Variants in LRRC4C observed in about 807,000 individuals in gnomAD.
LRRC4C encodes the protein leucine-rich repeat-containing protein 4C.
LRRC4C carries 5 observed loss-of-function variants against 33.6 expected under a neutral mutation model. The observed-to-expected ratio is 0.15, with a 90% CI of 0.08 to 0.31. The LOEUF (loss-of-function observed/expected upper bound fraction) is 0.31. LRRC4C is among the 10% of genes least tolerant of loss of function. LRRC4C has a pLI of 1.00. For synonymous variants in LRRC4C, 329 were observed against 302.0 expected (o/e 1.09, Z -0.93); for missense variants, 560 against 796.7 (o/e 0.70, Z 3.58).
chr11:40,501,031 G>C (rs1407192419), intron 3 of LRRC4C, among the ~76,000 whole-genome samples: 3 of 152,238 alleles, frequency 2.0e-5, no homozygotes, highest in African/African-American at 7.2e-5. Flanking sequence ...AAAATACAGA[G>C]GCTACAGACC....
intron 1 of LRRC4C, among the ~76,000 whole-genome samples, chr11:41,102,929 A>T (rs1270315051): frequency 1.3e-5 from 2 of 151,992 alleles, no homozygotes; most frequent in African/African-American, 4.8e-5. Flanking sequence ...TGACTTGCCA[A>T]ATATAACTGG....
intron 2 of LRRC4C, among the ~76,000 whole-genome samples, chr11:40,925,527 T>G (rs1352970694): frequency 1.3e-5 from 2 of 152,142 alleles, no homozygotes; most frequent in African/African-American, 4.8e-5. Flanking sequence ...AGAAGGAAAC[T>G]TTGCCACTTT....
rs115554921 is a variant in LRRC4C, at chr11:41,260,119, T to C, written c.-496+199312A>G. The stretch of plus-strand genomic sequence containing the variant: ...GAATTAGGACTTTTTCATAGGGATA[T>C]GCTGCCTTTCACATAGTAGTCTGTC... On this transcript the variant is annotated intron_variant, in intron 1 of 6. Transcript: ENST00000528697. Among the ~76,000 whole-genome samples the C allele has an allele frequency of 7.1e-3, 1,076 of 152,172 alleles. 10 individuals carry two copies. Among genetic ancestry groups the C allele is most frequent in the African/African-American group, 0.024 (986 of 41,550 alleles).
chr11:40,390,742 A>T lies in LRRC4C; in HGVS notation c.-269-71021T>A, dbSNP rs560209054. ...GGGACCTGACTCATTTGACTCTTTG[A>T]GTTCATGATGGTAGTTCTGTAACAC... is the stretch of plus-strand genomic sequence containing the variant. On this transcript the variant is annotated intron_variant, in intron 3 of 6. Coordinates refer to ENST00000528697, the MANE Select transcript of LRRC4C (RefSeq NM_001258419.2). 1.4e-4 allele frequency among the ~76,000 whole-genome samples: 22 copies of T among 152,272 alleles called. No individual in the cohort carries two copies. In the East Asian group the frequency reaches 2.9e-3, roughly 20 times the overall value.
At chr11:40,861,949 C>A (rs1213131090) in intron 2 of LRRC4C, among the ~76,000 whole-genome samples, 1 of 152,088 alleles carries the variant, frequency 6.6e-6, no homozygotes, top group African/African-American at 2.4e-5. Flanking sequence ...GTCCTGTGAC[C>A]CAAACACCTT....
chr11:40,387,295 A>G (rs1343213865), intron 3 of LRRC4C, among the ~76,000 whole-genome samples: 31 of 152,170 alleles, frequency 2.0e-4, no homozygotes, highest in Admixed American at 2.0e-3. Flanking sequence ...TCCCAATAAC[A>G]TTATCCTTAT....
At chr11:40,171,134 G>GA (rs529053143) in intron 5 of LRRC4C, among the ~76,000 whole-genome samples, 4 of 151,802 alleles carry the variant, frequency 2.6e-5, no homozygotes, top group Non-Finnish European at 4.4e-5. Flanking sequence ...CTAAAAAATG[G>GA]AAAAAAATGA....
At chr11:40,607,147 C>T (rs780242487) in intron 3 of LRRC4C, among the ~76,000 whole-genome samples, 14 of 152,084 alleles carry the variant, frequency 9.2e-5, no homozygotes, top group Non-Finnish European at 1.8e-4. Flanking sequence ...ACGATTTTCC[C>T]ATGTAAACAA....
At chr11:40,995,239 T>G in intron 1 of LRRC4C, among the ~76,000 whole-genome samples, 1 of 152,046 alleles carries the variant, frequency 6.6e-6, no homozygotes, top group South Asian at 2.1e-4. Context: ...CATGATGCAT[T>G]GTCTGGTTTT....
chr11:40,132,162 T>G (rs1043216624), intron 6 of LRRC4C, among the ~76,000 whole-genome samples: 25 of 152,196 alleles, frequency 1.6e-4, no homozygotes, highest in African/African-American at 5.8e-4. Context: ...TCTGTTAGAG[T>G]TCTAGCTATA....
At chr11:40,895,671 T>A (rs2136143842) in intron 2 of LRRC4C, among the ~76,000 whole-genome samples, 1 of 152,358 alleles carries the variant, frequency 6.6e-6, no homozygotes. Context: ...ATAAATATTT[T>A]ATTCTTTTTC....
At chr11:40,940,852 T>C (rs1034316326) in intron 1 of LRRC4C, among the ~76,000 whole-genome samples, 8 of 152,022 alleles carry the variant, frequency 5.3e-5, no homozygotes, top group African/African-American at 1.9e-4. Flanking sequence ...TTTTACTTAC[T>C]TAATTCTTAG....
intron 1 of LRRC4C, among the ~76,000 whole-genome samples, chr11:41,438,096 G>T (rs1445855900): frequency 6.8e-6 from 1 of 145,998 alleles, no homozygotes; most frequent in Non-Finnish European, 1.5e-5. Flanking sequence ...TTACAATATG[G>T]TACCTGTCTG....
At chr11:41,196,572 GA>G (rs1207507624) in intron 1 of LRRC4C, among the ~76,000 whole-genome samples, 1 of 152,048 alleles carries the variant, frequency 6.6e-6, no homozygotes, top group Non-Finnish European at 1.5e-5. Flanking sequence ...AAATACTTAT[GA>G]AAGATATTAA....
chr11:40,414,829 G>T (rs1020498885), intron 3 of LRRC4C, among the ~76,000 whole-genome samples: 1 of 152,066 alleles, frequency 6.6e-6, no homozygotes, highest in Non-Finnish European at 1.5e-5. Flanking sequence ...TCTCCGAAGG[G>T]ATGGAACTCC....
chr11:40,145,524 G>T (rs1857664240), intron 5 of LRRC4C, among the ~76,000 whole-genome samples: 1 of 152,092 alleles, frequency 6.6e-6, no homozygotes, highest in African/African-American at 2.4e-5. Flanking sequence ...AACCGGAATA[G>T]TTCATTCAGT....
intron 2 of LRRC4C, among the ~76,000 whole-genome samples, chr11:40,879,079 A>G (rs1955048342): frequency 6.6e-6 from 1 of 152,314 alleles, no homozygotes; most frequent in Middle Eastern, 3.4e-3. Flanking sequence ...AGTACTCTCA[A>G]TAGTGTTCTT....
chr11:40,114,478 G>A lies in LRRC4C; in HGVS notation c.1815C>T (p.Phe605=), dbSNP rs1028564641. 1.9e-6 allele frequency: 3 copies of A among 1,614,150 alleles called. No homozygotes were observed. Among genetic ancestry groups the A allele is most frequent in the South Asian group, 1.1e-5 (1 of 91,080 alleles). The part of the protein sequence containing the change: ...LNHYNSYKSP[F]NHTTTVNTIN... ...TTGTGTTAACTGTTGTTGTGTGGTT[G>A]AAGGGAGATTTGTATGAGTTATAGT... Residue 605 remains phenylalanine (F), a synonymous_variant, in exon 7 of 7, where the codon TTC becomes TTT. Transcript: ENST00000528697.
At chr11:41,083,321 T>C (rs1939717672) in intron 1 of LRRC4C, among the ~76,000 whole-genome samples, 1 of 152,096 alleles carries the variant, frequency 6.6e-6, no homozygotes, top group African/African-American at 2.4e-5. Flanking sequence ...ACCCATACAC[T>C]AGCAGGTAAC....
Sources: allele counts gnomAD v4.1 joint callset (sites outside exome capture counted in the v4.1 genomes callset), GRCh38; gene constraint gnomAD v4.1.1; transcripts MANE v1.5; gene names NCBI Gene and HGNC (gene_info 2026-07-23, HGNC 2026-07-21).